The following SLCO1A2 variants were observed in gnomAD, a reference collection of about 807,000 sequenced individuals.
SLCO1A2 encodes the protein OATP-1.
In SLCO1A2, 67 loss-of-function variants were observed where a neutral mutation model predicts 69.0. The ratio of observed to expected loss-of-function variants is 0.97; its 90% CI spans 0.80 to 1.19. SLCO1A2 has a LOEUF of 1.19. Ranked by LOEUF, SLCO1A2 falls within the 50% of genes most tolerant of loss-of-function variation. The pLI, the probability that SLCO1A2 is intolerant of heterozygous loss-of-function variation, is 0.00. For missense variants in SLCO1A2, 787 were observed against 793.7 expected (o/e 0.99, Z 0.10); for synonymous variants, 260 against 265.9 (o/e 0.98, Z 0.22).
chr12:21,409,521 TATA>T (rs1349012050), intron 1 of SLCO1A2, among the ~76,000 whole-genome samples: 1 of 152,190 alleles, frequency 6.6e-6, no homozygotes. Context: ...ATATTTGTAA[TATA>T]ATAATATTAT....
At chr12:21,399,218 T>C (rs1255945459), upstream of SLCO1A2, among the ~76,000 whole-genome samples, 5 of 132,324 alleles carry the variant, frequency 3.8e-5, no homozygotes, top group Non-Finnish European at 8.0e-5. Flanking sequence ...ACAAGCATTC[T>C]TATACACCAA....
Position 21,295,781 on chromosome 12 carries a change from A to G in SLCO1A2, c.1087T>C (p.Leu363=), listed in dbSNP as rs777123189. The G allele has an allele frequency of 7.8e-5, 116 of 1,483,354 alleles. No homozygotes were observed. The highest frequency in any genetic ancestry group is 1.0e-4 in the Non-Finnish European group (112 of 1,068,388). 91.9% of individuals were successfully genotyped at this position (1,483,354 alleles called of 1,614,324 possible). ...DAIFLMGIYN[L]PPICIGYIIG... ...ATATATCCAATACATATTGGAGGTA[A>G]GTTATAAATACCTATAAATGCAAAT... Residue 363 remains leucine (L), a synonymous_variant, in exon 10 of 15, where the codon TTA becomes CTA. Transcript: ENST00000683939.
At chr12:21,346,429 T>G (rs999366126) in intron 2 of SLCO1A2, among the ~76,000 whole-genome samples, 2 of 152,118 alleles carry the variant, frequency 1.3e-5, no homozygotes, top group African/African-American at 4.8e-5. Flanking sequence ...GATGGATTTT[T>G]GTGTTCAGAA....
At chr12:21,347,669 AAAGG>A (rs147886864) in intron 2 of SLCO1A2, among the ~76,000 whole-genome samples, 73 of 113,494 alleles carry the variant, frequency 6.4e-4, no homozygotes, top group African/African-American at 2.3e-3. Flanking sequence ...AGAAAGAAAG[AAAGG>A]AAGGAAGGAA....
At chr12:21,403,318 A>G (rs553119162) in intron 1 of SLCO1A2, 2 of 152,158 alleles carry the variant, frequency 1.3e-5, no homozygotes, top group Non-Finnish European at 2.9e-5. Flanking sequence ...AACCCAAAGA[A>G]TCTTATACTT....
At chr12:21,320,156 A>ACACCTTC (rs1951419195) in intron 2 of SLCO1A2, among the ~76,000 whole-genome samples, 1 of 152,140 alleles carries the variant, frequency 6.6e-6, no homozygotes, top group Non-Finnish European at 1.5e-5. Context: ...TAAAATTCTC[A>ACACCTTC]CACCTTCCAC....
At chr12:21,410,140 C>T (rs1488334642) in intron 1 of SLCO1A2, among the ~76,000 whole-genome samples, 1 of 152,142 alleles carries the variant, frequency 6.6e-6, no homozygotes, top group Non-Finnish European at 1.5e-5. Flanking sequence ...AGTCTGGCTT[C>T]CCCCACTAAC....
At chr12:21,367,870 A>C (rs1416891949) in intron 2 of SLCO1A2, among the ~76,000 whole-genome samples, 1 of 152,154 alleles carries the variant, frequency 6.6e-6, no homozygotes, top group African/African-American at 2.4e-5. Context: ...AAAAAGAAAA[A>C]TCATATATCT....
intron 1 of SLCO1A2, among the ~76,000 whole-genome samples, chr12:21,392,037 G>C (rs986364213): frequency 1.3e-5 from 2 of 152,130 alleles, no homozygotes; most frequent in African/African-American, 4.8e-5. Flanking sequence ...TGTCTTCCTT[G>C]ATTCCTTTGC....
intron 1 of SLCO1A2, among the ~76,000 whole-genome samples, chr12:21,388,720 C>A (rs1304086142): frequency 6.6e-6 from 1 of 151,946 alleles, no homozygotes; most frequent in Non-Finnish European, 1.5e-5. Flanking sequence ...GTGGCATTGA[C>A]CAAAGCATGA....
chr12:21,373,671 G>A (rs1377330495), intron 2 of SLCO1A2: 1 of 701,436 alleles, frequency 1.4e-6, no homozygotes, highest in African/African-American at 1.7e-5. Flanking sequence ...GTTTTGTCAA[G>A]AAATATACTC....
At chr12:21,376,179 C>G (rs1453056678) in intron 1 of SLCO1A2, 2 of 153,540 alleles carry the variant, frequency 1.3e-5, no homozygotes, top group Non-Finnish European at 2.9e-5. Flanking sequence ...ACCTTCCAAC[C>G]AATTATCAAA....
upstream of SLCO1A2, among the ~76,000 whole-genome samples, chr12:21,418,684 C>T (rs1356345051): frequency 6.6e-6 from 1 of 152,012 alleles, no homozygotes; most frequent in South Asian, 2.1e-4. Context: ...CCCACCGGGT[C>T]CCTCCAACAA....
At chr12:21,385,540 G>A (rs544387571) in intron 1 of SLCO1A2, among the ~76,000 whole-genome samples, 4 of 152,338 alleles carry the variant, frequency 2.6e-5, no homozygotes, top group Non-Finnish European at 5.9e-5. Flanking sequence ...CAAGAACATT[G>A]GTAGAGGACT....
intron 2 of SLCO1A2, among the ~76,000 whole-genome samples, chr12:21,345,176 A>AT (rs1433209613): frequency 2.0e-5 from 3 of 151,792 alleles, no homozygotes; most frequent in Admixed American, 6.6e-5. Context: ...AAAATTGCAG[A>AT]TTTTTTTTAC....
chr12:21,338,777 G>A (rs1337095723), upstream of SLCO1A2, among the ~76,000 whole-genome samples: 1 of 151,738 alleles, frequency 6.6e-6, no homozygotes, highest in Non-Finnish European at 1.5e-5. Context: ...TAAACACTGA[G>A]CTGCTCCTTT....
At chr12:21,410,244 A>G (rs1409644564) in intron 1 of SLCO1A2, among the ~76,000 whole-genome samples, 1 of 152,174 alleles carries the variant, frequency 6.6e-6, no homozygotes, top group Non-Finnish European at 1.5e-5. Context: ...TTTCAATTTT[A>G]TATAGTTTTG....
intron 5 of SLCO1A2, among the ~76,000 whole-genome samples, chr12:21,305,562 C>G (rs1949261621): frequency 6.6e-6 from 1 of 152,222 alleles, no homozygotes; most frequent in Non-Finnish European, 1.5e-5. Context: ...CACAGGCAAA[C>G]TCTAGGCCTA....
At chr12:21,275,488 G>A (rs1943657430) in intron 12 of SLCO1A2, 64 bp from the exon 13 acceptor site, 1 of 1,308,934 alleles carries the variant, frequency 7.6e-7, no homozygotes, top group Non-Finnish European at 1.0e-6. Context: ...ATATTGTCTT[G>A]AAAAGGCCAG....
Sources: allele counts gnomAD v4.1 joint callset (sites outside exome capture counted in the v4.1 genomes callset), GRCh38; gene constraint gnomAD v4.1.1; transcripts MANE v1.5; gene names NCBI Gene and HGNC (gene_info 2026-07-23, HGNC 2026-07-21).